The following CDC25C variants were observed in gnomAD, a reference collection of about 807,000 sequenced individuals.
The protein encoded by CDC25C is cell division cycle 25C, also known as M-phase inducer phosphatase 3.
A neutral mutation model predicts 52.5 loss-of-function variants in CDC25C; 48 were observed. The ratio of observed to expected loss-of-function variants is 0.91; its 90% CI spans 0.72 to 1.16. The LOEUF is 1.16. Among genes scored for constraint, CDC25C ranks in the 50% most tolerant of loss-of-function variants. The pLI is 0.00. For synonymous variants in CDC25C, 187 were observed against 206.5 expected (o/e 0.91, Z 0.81); for missense variants, 510 against 566.1 (o/e 0.90, Z 1.01).
At chr5:138,313,147 G>A (rs1163821930) in intron 7 of CDC25C, among the ~76,000 whole-genome samples, 3 of 151,856 alleles carry the variant, frequency 2.0e-5, no homozygotes, top group Non-Finnish European at 4.4e-5. Flanking sequence ...AGGCTGAGGA[G>A]GGCAGATCAC....
At chr5:138,331,847 C>T (rs1760418857), upstream of CDC25C, 1 of 984,170 alleles carries the variant, frequency 1.0e-6, no homozygotes. Context: ...TTCCGCCAGC[C>T]CAGTAACCTA....
chr5:138,306,844 CT>C (rs998693068), intron 7 of CDC25C, among the ~76,000 whole-genome samples: 5 of 145,808 alleles, frequency 3.4e-5, no homozygotes, highest in Admixed American at 2.1e-4. Flanking sequence ...TATTCCTTTT[CT>C]TTTTTTTTTC....
intron 7 of CDC25C, among the ~76,000 whole-genome samples, chr5:138,305,380 T>C (rs1757930103): frequency 6.6e-6 from 1 of 152,196 alleles, no homozygotes; most frequent in Admixed American, 6.6e-5. Context: ...TCATTACACT[T>C]GGACTATTTG....
chr5:138,292,661 T>C (rs1188479301), intron 7 of CDC25C, among the ~76,000 whole-genome samples: 1 of 152,040 alleles, frequency 6.6e-6, no homozygotes, highest in South Asian at 2.1e-4. Flanking sequence ...CTGACCATTA[T>C]AGGATGGATA....
At chr5:138,320,741 C>A (rs1198956369) in intron 6 of CDC25C, among the ~76,000 whole-genome samples, 6 of 151,656 alleles carry the variant, frequency 4.0e-5, no homozygotes, top group Admixed American at 1.3e-4. Context: ...TGGTGAAACT[C>A]CGTCTCTACT....
chr5:138,300,351 C>G (rs1319861728), intron 7 of CDC25C, among the ~76,000 whole-genome samples: 1 of 152,082 alleles, frequency 6.6e-6, no homozygotes, highest in African/African-American at 2.4e-5. Context: ...GTTGCTTGAG[C>G]TCAGGAGTCT....
At chr5:138,289,678 A>G (rs994911367) in intron 9 of CDC25C, 115 bp from the exon 10 acceptor site, 1 of 736,892 alleles carries the variant, frequency 1.4e-6, no homozygotes, top group African/African-American at 1.8e-5. Flanking sequence ...GAGGCCTTCA[A>G]AAAAATCAGT....
intron 7 of CDC25C, among the ~76,000 whole-genome samples, chr5:138,306,258 A>T (rs547481930): frequency 6.6e-6 from 1 of 152,006 alleles, no homozygotes; most frequent in Non-Finnish European, 1.5e-5. Context: ...ACTTGAAAAA[A>T]ATTTTTGTTG....
chr5:138,296,937 G>T (rs1204745681), intron 7 of CDC25C, among the ~76,000 whole-genome samples: 2 of 95,430 alleles, frequency 2.1e-5, no homozygotes, highest in South Asian at 3.4e-4. Context: ...TTTAGACACA[G>T]TCTCGCTCTG....
exon 1 of CDC25C, chr5:138,337,958 T>C: frequency 7.8e-7 from 1 of 1,289,396 alleles, no homozygotes; most frequent in Non-Finnish European, 1.0e-6. Flanking sequence ...TTGTTTACCT[T>C]CTTCCGACAT....
intron 10 of CDC25C, among the ~76,000 whole-genome samples, chr5:138,288,368 G>A (rs967115400): frequency 7.9e-5 from 12 of 151,972 alleles, no homozygotes; most frequent in Non-Finnish European, 1.5e-4. Flanking sequence ...AGCTGTGCTA[G>A]GCCCATGATC....
At chr5:138,295,407 G>C (rs1310603086) in intron 7 of CDC25C, among the ~76,000 whole-genome samples, 3 of 152,152 alleles carry the variant, frequency 2.0e-5, no homozygotes, top group Non-Finnish European at 4.4e-5. Flanking sequence ...GAGTCCAGTA[G>C]TTCAAAACCA....
rs11567958 is a variant in CDC25C at position 138,331,493 on chromosome 5, C to T, written c.-39+102G>A. 1.8e-3 allele frequency: 1,619 copies of T among 881,640 alleles called. 18 individuals carry two copies. The African/African-American group carries it at 0.024, about 13-fold the overall frequency. 54.6% of individuals were successfully genotyped at this position (881,640 alleles called of 1,614,324 possible). A position where few individuals can be genotyped will look rare whatever the true frequency, so the allele number is the denominator to read the frequency against. On this transcript the variant is annotated intron_variant, in intron 1 of 13. Coordinates refer to ENST00000323760, the MANE Select transcript of CDC25C (RefSeq NM_001790.5). ...CCGGGTCTCGTAACTCGCGATAGTC[C>T]CCATTCGGCCCTCCCAACCTCTGTC...
intron 9 of CDC25C, among the ~76,000 whole-genome samples, chr5:138,289,940 C>T (rs1580705586): frequency 6.6e-6 from 1 of 151,694 alleles, no homozygotes; most frequent in Admixed American, 6.6e-5. Context: ...TGGCTCATGC[C>T]TGTAACCTCA....
intron 7 of CDC25C, among the ~76,000 whole-genome samples, chr5:138,307,490 C>CAAAAAAAAAAAAAAAAA (rs57593237): frequency 5.1e-4 from 45 of 88,242 alleles, no homozygotes; most frequent in Non-Finnish European, 6.3e-4. Context: ...GAGACTGCCA[C>CAAAAAAAAAAAAAAAAA]AAAAAAAAAA....
chr5:138,318,661 G>T (rs1759096121), intron 7 of CDC25C, among the ~76,000 whole-genome samples: 1 of 152,098 alleles, frequency 6.6e-6, no homozygotes, highest in African/African-American at 2.4e-5. Context: ...GTCGCAGTGA[G>T]CCAAGATGGC....
At chr5:138,306,656 A>G (rs1758023065) in intron 7 of CDC25C, among the ~76,000 whole-genome samples, 1 of 151,960 alleles carries the variant, frequency 6.6e-6, no homozygotes, top group Admixed American at 6.6e-5. Context: ...GTGTATTTTT[A>G]GTAAAGACGG....
rs11567997 is a variant in CDC25C, at chr5:138,289,539, C to G, written c.889G>C (p.Gly297Arg). 43,741 of 1,613,332 alleles carry G rather than the reference C, an allele frequency of 0.027. 963 individuals are homozygous for G. Among genetic ancestry groups the G allele is most frequent in the Non-Finnish European group, 0.029 (34,472 of 1,179,368 alleles). ...SKVCALPTVSGKHQDLKYVNP... is the reference protein window; with the variant it reads ...SKVCALPTVSRKHQDLKYVNP... ...ACATACTTCAGATCTTGGTGTTTCC[C>G]TGACACGGTTGGCAGCGCACATACC... Residue 297 changes from glycine (G) to arginine (R), a missense_variant, in exon 10 of 14, where the codon GGG (glycine) becomes CGG (arginine). Gly to Arg is a moderately radical substitution (Grantham distance 125). Transcript: ENST00000323760.
At chr5:138,320,548 A>G (rs1379990655) in intron 6 of CDC25C, among the ~76,000 whole-genome samples, 2 of 152,072 alleles carry the variant, frequency 1.3e-5, no homozygotes, top group African/African-American at 4.8e-5. Context: ...GGCTGGACGC[A>G]GTGGCTCACA....
Sources: gnomAD v4.1 joint callset for allele counts (sites outside exome capture counted in the v4.1 genomes callset) on GRCh38, gnomAD v4.1.1 for gene constraint, MANE v1.5 for transcripts, NCBI Gene and HGNC (gene_info 2026-07-23, HGNC 2026-07-21) for gene names.